Variants in MCUB observed in about 807,000 individuals in gnomAD.
The protein encoded by MCUB is calcium uniporter regulatory subunit MCUb, mitochondrial.
In MCUB, 46 loss-of-function variants were observed where a neutral mutation model predicts 41.4. The ratio of observed to expected loss-of-function variants is 1.11; its 90% CI spans 0.88 to 1.42. The LOEUF is 1.42. MCUB is among the 40% of genes most tolerant of loss of function. The pLI is 0.00. For missense variants in MCUB, 403 were observed against 404.9 expected (o/e 1.00, Z 0.04); for synonymous variants, 148 against 148.2 (o/e 1.00, Z 0.01).
chr4:109,661,394 T>A (rs1461027984), intron 3 of MCUB, among the ~76,000 whole-genome samples: 1 of 152,174 alleles, frequency 6.6e-6, no homozygotes, highest in African/African-American at 2.4e-5. Context: ...ATAAACAGAC[T>A]TTTTCCCTAT....
chr4:109,603,410 A>C lies in MCUB; in HGVS notation c.99+42974A>C, dbSNP rs955854358. Among the ~76,000 whole-genome samples, 8 of 152,178 alleles carry C rather than the reference A, an allele frequency of 5.3e-5. No homozygotes were observed. In the South Asian group the frequency reaches 1.2e-3, roughly 24 times the overall value. Reference sequence around the variant, plus strand: ...GCTCACTCAGTGCTCAATGTTGCCCAGGCTGGAGTGCAGTGGCGTGATCTA... The same window carrying C: ...GCTCACTCAGTGCTCAATGTTGCCCCGGCTGGAGTGCAGTGGCGTGATCTA... On this transcript the variant is annotated intron_variant, in intron 1 of 7. Coordinates refer to ENST00000394650, the MANE Select transcript of MCUB (RefSeq NM_017918.5).
intron 1 of MCUB, among the ~76,000 whole-genome samples, chr4:109,583,041 T>C (rs1727220314): frequency 6.6e-6 from 1 of 152,190 alleles, no homozygotes; most frequent in Non-Finnish European, 1.5e-5. Flanking sequence ...GTCTTGGCAA[T>C]GTGGACTCTT....
chr4:109,568,597 C>A (rs1017450754), intron 1 of MCUB, among the ~76,000 whole-genome samples: 2 of 152,112 alleles, frequency 1.3e-5, no homozygotes, highest in Non-Finnish European at 2.9e-5. Context: ...CCCCCATCTC[C>A]CCACAGACCC....
At chr4:109,600,844 G>C (rs1189238844) in intron 1 of MCUB, among the ~76,000 whole-genome samples, 1 of 152,024 alleles carries the variant, frequency 6.6e-6, no homozygotes, top group South Asian at 2.1e-4. Context: ...CACCAGGCAG[G>C]AGTACAGTGG....
intron 1 of MCUB, among the ~76,000 whole-genome samples, chr4:109,634,485 GAAAAA>G (rs34174576): frequency 2.4e-5 from 3 of 124,420 alleles, no homozygotes; most frequent in Admixed American, 8.1e-5. Context: ...CTCTGTCTCA[GAAAAA>G]AAAAAAAAAA....
At chr4:109,599,204 T>C (rs185715144) in intron 1 of MCUB, among the ~76,000 whole-genome samples, 118 of 152,366 alleles carry the variant, frequency 7.7e-4, no homozygotes, top group African/African-American at 2.7e-3. Context: ...TAATCAAGTG[T>C]TGAGCTTTGC....
At chr4:109,656,401 G>A (rs1182715798) in intron 1 of MCUB, among the ~76,000 whole-genome samples, 1 of 122,496 alleles carries the variant, frequency 8.2e-6, no homozygotes, top group Non-Finnish European at 1.6e-5. Context: ...TTGGAGACAG[G>A]GTTTCCCTCT....
At chr4:109,567,563 C>T (rs570384682) in intron 1 of MCUB, among the ~76,000 whole-genome samples, 2 of 141,682 alleles carry the variant, frequency 1.4e-5, no homozygotes, top group African/African-American at 2.6e-5. Flanking sequence ...AATCCCACCA[C>T]CAAGGCTGGC....
intron 1 of MCUB, chr4:109,648,724 CAAAAAA>C (rs59279944): frequency 3.0e-4 from 70 of 236,600 alleles, no homozygotes; most frequent in South Asian, 8.9e-4. Context: ...TACAGAGAAG[CAAAAAA>C]AAAAAAAAAA....
At chr4:109,617,059 T>G (rs1728141676) in intron 1 of MCUB, among the ~76,000 whole-genome samples, 1 of 152,224 alleles carries the variant, frequency 6.6e-6, no homozygotes, top group East Asian at 1.9e-4. Flanking sequence ...CTAACCATAT[T>G]GTTGTGATCT....
chr4:109,586,418 A>G (rs1024820421), intron 1 of MCUB, among the ~76,000 whole-genome samples: 2 of 152,026 alleles, frequency 1.3e-5, no homozygotes. Context: ...AGCTCGGAGT[A>G]GTTTGTTATT....
At chr4:109,571,671 C>T (rs986784839) in intron 1 of MCUB, among the ~76,000 whole-genome samples, 1 of 152,216 alleles carries the variant, frequency 6.6e-6, no homozygotes, top group Non-Finnish European at 1.5e-5. Context: ...CTCTACAGGT[C>T]AAGCAGTAGC....
At chr4:109,618,239 C>G (rs1045578614) in intron 1 of MCUB, among the ~76,000 whole-genome samples, 1 of 152,200 alleles carries the variant, frequency 6.6e-6, no homozygotes, top group African/African-American at 2.4e-5. Flanking sequence ...TATCTCCCTT[C>G]TGCTCCCATA....
chr4:109,688,535 G>A lies in MCUB; in HGVS notation c.*943G>A, dbSNP rs985532156. 2 of 152,076 alleles carry A rather than the reference G, an allele frequency of 1.3e-5. No homozygotes were observed. Among genetic ancestry groups the A allele is most frequent in the South Asian group, 4.1e-4 (2 of 4,824 alleles). The allele number at this position is 152,076 out of a possible 1,614,324, so 9.4% of individuals were successfully genotyped here. ...CACAAAATGTGGTAATTCATATGTA[G>A]ATGAAATATTAAACATTTAAATGAC... On this transcript the variant is annotated 3_prime_UTR_variant, in exon 8 of 8. Coordinates refer to ENST00000394650, the MANE Select transcript of MCUB (RefSeq NM_017918.5).
intron 1 of MCUB, among the ~76,000 whole-genome samples, chr4:109,634,005 T>C (rs1399744799): frequency 6.6e-6 from 1 of 152,148 alleles, no homozygotes; most frequent in Non-Finnish European, 1.5e-5. Flanking sequence ...CTAACTCTTA[T>C]TATTATAAAG....
intron 1 of MCUB, among the ~76,000 whole-genome samples, chr4:109,644,007 G>A (rs1669817004): frequency 6.6e-6 from 1 of 152,048 alleles, no homozygotes. Context: ...AACCTATTCT[G>A]GTTCGGAGGC....
intron 3 of MCUB, among the ~76,000 whole-genome samples, chr4:109,662,264 C>T (rs565012981): frequency 1.4e-3 from 219 of 152,298 alleles, no homozygotes; most frequent in African/African-American, 4.7e-3. Context: ...ACAGACATTT[C>T]CCCCAGGCAC....
chr4:109,605,320 C>T (rs1727845123), intron 1 of MCUB, among the ~76,000 whole-genome samples: 1 of 150,946 alleles, frequency 6.6e-6, no homozygotes, highest in South Asian at 2.1e-4. Context: ...GTTTATTGTA[C>T]ACGTGTTTGT....
At position 109,687,792 on chromosome 4, in the gene MCUB, A is replaced by T; in HGVS notation, c.*200A>T. 1.8e-6 allele frequency: 1 copy of T among 558,464 alleles called. No individual in the cohort carries two copies. The highest frequency in any genetic ancestry group is 4.7e-4 in the Middle Eastern group (1 of 2,116). The allele number at this position is 558,464 out of a possible 1,614,324, so 34.6% of individuals were successfully genotyped here. A position where few individuals can be genotyped will look rare whatever the true frequency, so the allele number is the denominator to read the frequency against. On this transcript the variant is annotated 3_prime_UTR_variant, in exon 8 of 8. Transcript: ENST00000394650. ...CTTGCTAATGTTAGAAAGGGCTTGT[A>T]TGCGTCTATCAAAGCAACGGTGGCT...
Sources: gnomAD v4.1 joint callset for allele counts (sites outside exome capture counted in the v4.1 genomes callset) on GRCh38, gnomAD v4.1.1 for gene constraint, MANE v1.5 for transcripts, NCBI Gene and HGNC (gene_info 2026-07-23, HGNC 2026-07-21) for gene names.